The following HTR7 variants were observed in gnomAD, a reference collection of about 807,000 sequenced individuals.
The protein encoded by HTR7 is 5-HT-7.
In HTR7, 16 loss-of-function variants were observed where a neutral mutation model predicts 34.0. That is an observed-to-expected ratio of 0.47 (90% CI 0.32 to 0.71). HTR7 has a LOEUF of 0.71. Ranked by LOEUF, HTR7 falls within the 30% of genes least tolerant of loss-of-function variation. The pLI is 0.04. For synonymous variants in HTR7, 265 were observed against 260.2 expected (o/e 1.02, Z -0.18); for missense variants, 504 against 625.5 (o/e 0.81, Z 2.07).
At chr10:90,765,929 G>C (rs1845014176) in intron 1 of HTR7, among the ~76,000 whole-genome samples, 1 of 152,104 alleles carries the variant, frequency 6.6e-6, no homozygotes, top group Non-Finnish European at 1.5e-5. Context: ...AGCATATTTT[G>C]TGGCCTAACA....
chr10:90,754,661 AG>A (rs1398770840), intron 1 of HTR7, among the ~76,000 whole-genome samples: 1 of 152,204 alleles, frequency 6.6e-6, no homozygotes, highest in Non-Finnish European at 1.5e-5. Context: ...AAAGAGGATT[AG>A]GGAGTTATAA....
chr10:90,842,494 C>T (rs1348664045), intron 1 of HTR7, among the ~76,000 whole-genome samples: 2 of 152,184 alleles, frequency 1.3e-5, no homozygotes, highest in African/African-American at 4.8e-5. Flanking sequence ...CTCTATCAGC[C>T]TCCCTGTCCT....
At chr10:90,761,870 T>G (rs1844942870) in intron 1 of HTR7, among the ~76,000 whole-genome samples, 2 of 152,182 alleles carry the variant, frequency 1.3e-5, no homozygotes, top group African/African-American at 2.4e-5. Context: ...CACAAACAAA[T>G]GAGATTATGC....
intron 1 of HTR7, among the ~76,000 whole-genome samples, chr10:90,759,491 T>C (rs541356681): frequency 7.4e-5 from 11 of 148,128 alleles, no homozygotes; most frequent in Non-Finnish European, 1.3e-4. Flanking sequence ...CCGTCTCTAC[T>C]AAAAATACAA....
At chr10:90,774,304 T>C (rs1008914554) in intron 1 of HTR7, among the ~76,000 whole-genome samples, 1 of 152,224 alleles carries the variant, frequency 6.6e-6, no homozygotes, top group African/African-American at 2.4e-5. Flanking sequence ...TTCTGTTATA[T>C]TTATCAATCA....
chr10:90,810,140 A>T (rs1845781386), intron 1 of HTR7, among the ~76,000 whole-genome samples: 1 of 152,056 alleles, frequency 6.6e-6, no homozygotes, highest in African/African-American at 2.4e-5. Context: ...ATACTCTTTT[A>T]AGCACTCCTT....
Position 90,749,262 on chromosome 10 carries a change from C to T in HTR7, c.872G>A (p.Gly291Asp), listed in dbSNP as rs1395484231. The change falls in exon 2 of 4, where the codon GGC becomes GAC. Residue 291 changes from glycine (G) to aspartate (D), a missense_variant. Transcript: ENST00000336152. This position sits in a 1 kb window ranked among gnomAD's most constrained non-coding sequence, Gnocchi z 4.2. ...CACCTCCTTCTGGAGCTTCACTATGCCATTCAGGGCGATGACGCTGTCTGG... is the reference window on the plus strand; with the variant it reads ...CACCTCCTTCTGGAGCTTCACTATGTCATTCAGGGCGATGACGCTGTCTGG... ...VEPDSVIALN[G>D]IVKLQKEVEE... 1 of 1,614,064 alleles carries T rather than the reference C, an allele frequency of 6.2e-7. No individual in the cohort carries two copies. Among genetic ancestry groups the T allele is most frequent in the Non-Finnish European group, 8.5e-7 (1 of 1,179,974 alleles).
At chr10:90,839,991 T>G (rs1307323308) in intron 1 of HTR7, among the ~76,000 whole-genome samples, 1 of 151,876 alleles carries the variant, frequency 6.6e-6, no homozygotes, top group South Asian at 2.1e-4. Flanking sequence ...GATGGGAATG[T>G]GTCTTTATCC....
At chr10:90,765,884 T>C (rs117264385) in intron 1 of HTR7, among the ~76,000 whole-genome samples, 118 of 152,344 alleles carry the variant, frequency 7.7e-4, no homozygotes, top group Non-Finnish European at 1.5e-3. Flanking sequence ...TCAGAAAAGA[T>C]ACTTGATATG....
At chr10:90,803,995 C>T (rs1304900522) in intron 1 of HTR7, among the ~76,000 whole-genome samples, 3 of 152,062 alleles carry the variant, frequency 2.0e-5, no homozygotes, top group Non-Finnish European at 4.4e-5. Flanking sequence ...CCATAAAAAC[C>T]CCAAGCTCCA....
chr10:90,779,418 C>T (rs182259696), intron 1 of HTR7, among the ~76,000 whole-genome samples: 2 of 152,318 alleles, frequency 1.3e-5, no homozygotes, highest in East Asian at 3.9e-4. Context: ...TCTGACCCTG[C>T]GTTTTGCTCC....
intron 1 of HTR7, among the ~76,000 whole-genome samples, chr10:90,787,483 C>T (rs1845397738): frequency 6.6e-6 from 1 of 151,932 alleles, no homozygotes; most frequent in Non-Finnish European, 1.5e-5. Flanking sequence ...TGGAGCAAGA[C>T]TCCATCTCAA....
At chr10:90,815,299 C>T (rs1041541351) in intron 1 of HTR7, among the ~76,000 whole-genome samples, 2 of 152,022 alleles carry the variant, frequency 1.3e-5, no homozygotes, top group African/African-American at 2.4e-5. Flanking sequence ...ACCGTGTTGG[C>T]CAGGCTGGTC....
chr10:90,803,170 T>C (rs1845655987), intron 1 of HTR7, among the ~76,000 whole-genome samples: 1 of 152,086 alleles, frequency 6.6e-6, no homozygotes, highest in Admixed American at 6.5e-5. Flanking sequence ...TAAAAGTTTA[T>C]TTAAAAGCTT....
intron 1 of HTR7, among the ~76,000 whole-genome samples, chr10:90,794,666 A>AT (rs1483873418): frequency 2.0e-5 from 3 of 151,944 alleles, no homozygotes; most frequent in South Asian, 4.2e-4. Flanking sequence ...ACACCTGGCT[A>AT]TTTTTTTATT....
At chr10:90,853,536 C>T (rs1261951166) in intron 1 of HTR7, among the ~76,000 whole-genome samples, 2 of 151,206 alleles carry the variant, frequency 1.3e-5, no homozygotes, top group Non-Finnish European at 2.9e-5. Context: ...AACTCCAGGG[C>T]TCCAGCAATC....
At chr10:90,811,977 C>A (rs1220048707) in intron 1 of HTR7, among the ~76,000 whole-genome samples, 2 of 152,186 alleles carry the variant, frequency 1.3e-5, no homozygotes, top group Admixed American at 1.3e-4. Flanking sequence ...TCAGTGAAAC[C>A]TTTACATCCC....
rs1428006090 is a variant in HTR7 at position 90,749,950 on chromosome 10, T to C, written c.540-356A>G. Among the ~76,000 whole-genome samples the C allele has an allele frequency of 6.6e-6, 1 of 152,210 alleles. No individual in the cohort carries two copies. The highest frequency in any genetic ancestry group is 1.9e-4 in the East Asian group (1 of 5,202). ...AACCAGGACAACATATCAACTCTGA[T>C]GTAGGATGTTGTGACACATTCTCAA... is the stretch of plus-strand genomic sequence containing the variant. On this transcript the variant is annotated intron_variant, in intron 1 of 3. Transcript: ENST00000336152. The surrounding 1 kb of genome is among the most constrained non-coding windows in gnomAD (Gnocchi z 4.2).
rs142674965 is a variant in HTR7 at position 90,815,501 on chromosome 10, T to A, written c.539+41632A>T. On this transcript the variant is annotated intron_variant, in intron 1 of 3. Coordinates refer to ENST00000336152, the MANE Select transcript of HTR7 (RefSeq NM_019859.4). Reference sequence around the variant, plus strand: ...ACCTAGTACTATAAAACAGAAAGGATGTAAATGCGCCCCTCAGGCAATATT... The same window carrying A: ...ACCTAGTACTATAAAACAGAAAGGAAGTAAATGCGCCCCTCAGGCAATATT... 6.1e-3 allele frequency among the ~76,000 whole-genome samples: 924 copies of A among 152,274 alleles called. 8 individuals carry two copies. Among genetic ancestry groups the A allele is most frequent in the Middle Eastern group, 0.01 (3 of 294 alleles).
Sources: allele counts gnomAD v4.1 joint callset (sites outside exome capture counted in the v4.1 genomes callset), GRCh38; gene constraint gnomAD v4.1.1; non-coding constraint Gnocchi (gnomAD v3.1); transcripts MANE v1.5; gene names NCBI Gene and HGNC (gene_info 2026-07-23, HGNC 2026-07-21).